Variants in PTPRO observed in about 807,000 individuals in gnomAD.
PTPRO encodes the protein receptor-type tyrosine-protein phosphatase O.
A neutral mutation model predicts 145.2 loss-of-function variants in PTPRO; 62 were observed. The ratio of observed to expected loss-of-function variants is 0.43; its 90% confidence interval spans 0.35 to 0.53. The LOEUF (loss-of-function observed/expected upper bound fraction) is 0.53, where lower values mean the gene tolerates loss of function less well. PTPRO is among the 20% of genes least tolerant of loss of function. The probability of loss-of-function intolerance (pLI) is 0.01; values close to 1 mark genes in which losing one functional copy is unlikely to be tolerated. For synonymous variants in PTPRO, 565 were observed against 514.7 expected (o/e 1.10, Z -1.32); for missense variants, 1,345 against 1,482.7 (o/e 0.91, Z 1.53).
intron 12 of PTPRO, among the ~76,000 whole-genome samples, chr12:15,544,758 A>G (rs1225588772): frequency 6.6e-6 from 1 of 152,224 alleles, no homozygotes. Context: ...ACATAATCCT[A>G]TTAGCAAAGG....
At chr12:15,452,424 A>T (rs1941070590) in intron 1 of PTPRO, among the ~76,000 whole-genome samples, 1 of 152,154 alleles carries the variant, frequency 6.6e-6, no homozygotes, top group Non-Finnish European at 1.5e-5. Flanking sequence ...TTCAAAGAAG[A>T]ATTGGTACCA....
chr12:15,380,681 A>G (rs973535075), intron 1 of PTPRO, among the ~76,000 whole-genome samples: 1 of 152,186 alleles, frequency 6.6e-6, no homozygotes, highest in Non-Finnish European at 1.5e-5. Flanking sequence ...TTAAGTAGAA[A>G]ACCATAGAAA....
chr12:15,596,623 C>G lies in PTPRO; in HGVS notation c.*550C>G, dbSNP rs1271554437. Reference sequence around the variant, plus strand: ...AATTGAGCCAGCACTATCTGTACTCCAACATTACCGGATCTGGATTGGGGA... The same window carrying G: ...AATTGAGCCAGCACTATCTGTACTCGAACATTACCGGATCTGGATTGGGGA... On this transcript the variant is annotated 3_prime_UTR_variant, in exon 27 of 27. Transcript: ENST00000281171. 1 of 152,390 alleles carries G rather than the reference C, an allele frequency of 6.6e-6. No individual in the cohort carries two copies. Among genetic ancestry groups the G allele is most frequent in the Non-Finnish European group, 1.5e-5 (1 of 68,036 alleles). 9.4% of individuals were successfully genotyped at this position (152,390 alleles called of 1,614,324 possible). A position where few individuals can be genotyped will look rare whatever the true frequency, so the allele number is the denominator to read the frequency against.
intron 8 of PTPRO, among the ~76,000 whole-genome samples, chr12:15,515,988 TTTTGTTTTTTTTTTTTTTTGG>T (rs1942572042): frequency 1.3e-5 from 1 of 77,256 alleles, no homozygotes; most frequent in African/African-American, 6.1e-5. Context: ...TTTTTTTTTG[TTTTGTTTTTTTTTTTTTTTGG>T]AGACAGAGTC....
At chr12:15,401,440 T>C (rs1183900838) in intron 1 of PTPRO, among the ~76,000 whole-genome samples, 1 of 152,226 alleles carries the variant, frequency 6.6e-6, no homozygotes. Context: ...AGTTGTGATA[T>C]AGATAAAAGC....
chr12:15,576,277 C>T (rs1944183247), intron 19 of PTPRO, among the ~76,000 whole-genome samples: 1 of 152,182 alleles, frequency 6.6e-6, no homozygotes. Flanking sequence ...ACAAAGGCTT[C>T]AAAGCATACT....
chr12:15,526,236 C>T lies in PTPRO; in HGVS notation c.2138C>T (p.Thr713Ile), dbSNP rs1339282769. Reference protein sequence around the residue: ...VTACTERGSNTSMLRLVKLEP... With the variant: ...VTACTERGSNISMLRLVKLEP... ...GCTTGTACTGAAAGAGGAAGTAATACCTCCATGCTCCGCCTTGTCAAGCTA... is the reference window on the plus strand; with the variant it reads ...GCTTGTACTGAAAGAGGAAGTAATATCTCCATGCTCCGCCTTGTCAAGCTA... The change falls in exon 12 of 27, where the codon ACC (threonine) becomes ATC (isoleucine). Residue 713 changes from threonine (T) to isoleucine (I), a missense_variant. Physicochemically the swap from Thr to Ile is moderately conservative, Grantham distance 89 (BLOSUM62 -1). Transcript: ENST00000281171. The T allele has an allele frequency of 1.3e-5, 21 of 1,613,984 alleles. No homozygotes were observed. The highest frequency in any genetic ancestry group is 3.3e-5 in the Admixed American group (2 of 60,020).
chr12:15,415,804 C>G (rs1939955421), intron 1 of PTPRO, among the ~76,000 whole-genome samples: 1 of 151,732 alleles, frequency 6.6e-6, no homozygotes, highest in Non-Finnish European at 1.5e-5. Context: ...TTTGAAGTAT[C>G]TAAGTAATGA....
At chr12:15,448,300 A>G (rs533412727) in intron 1 of PTPRO, among the ~76,000 whole-genome samples, 35 of 121,614 alleles carry the variant, frequency 2.9e-4, no homozygotes, top group Non-Finnish European at 5.0e-4. Context: ...CTGGCATTAT[A>G]TATTTGCCTT....
chr12:15,483,666 T>A (rs1345525091), intron 1 of PTPRO, among the ~76,000 whole-genome samples: 1 of 152,092 alleles, frequency 6.6e-6, no homozygotes, highest in Non-Finnish European at 1.5e-5. Flanking sequence ...CATTATTTAC[T>A]CCTCCACAGG....
chr12:15,373,913 C>A (rs1199331315), intron 1 of PTPRO, among the ~76,000 whole-genome samples: 3 of 152,062 alleles, frequency 2.0e-5, no homozygotes, highest in Non-Finnish European at 4.4e-5. Flanking sequence ...TCATTTTGTA[C>A]TCACAAATGT....
In PTPRO at chr12:15,597,882, G is replaced by A. The variant is rs1375732424; in HGVS notation, c.*1809G>A. Among the ~76,000 whole-genome samples, 1 of 152,192 alleles carries A rather than the reference G, an allele frequency of 6.6e-6. No individual in the cohort carries two copies. The highest frequency in any genetic ancestry group is 1.5e-5 in the Non-Finnish European group (1 of 68,030). ...GGTTAATGAAAGGTGGCAAAGGGAT[G>A]TGTGACATTCTTAGATTTTCACACA... On this transcript the variant is annotated 3_prime_UTR_variant, in exon 27 of 27. Transcript: ENST00000281171.
chr12:15,486,048 C>A (rs1033042489), intron 2 of PTPRO, among the ~76,000 whole-genome samples: 1 of 152,014 alleles, frequency 6.6e-6, no homozygotes, highest in African/African-American at 2.4e-5. Flanking sequence ...CAATAAGTAC[C>A]GACCAGGTCA....
chr12:15,463,632 C>T (rs1941353835), intron 1 of PTPRO, among the ~76,000 whole-genome samples: 2 of 152,070 alleles, frequency 1.3e-5, no homozygotes, highest in South Asian at 4.1e-4. Context: ...TTCAATATTA[C>T]TCTTATTCCC....
At chr12:15,485,526 G>A (rs74070736) in intron 2 of PTPRO, among the ~76,000 whole-genome samples, 1 of 152,192 alleles carries the variant, frequency 6.6e-6, no homozygotes, top group African/African-American at 2.4e-5. Context: ...TTGCTTAATA[G>A]ATGATCCATA....
At chr12:15,372,201 A>G (rs1416203999) in intron 1 of PTPRO, among the ~76,000 whole-genome samples, 3 of 152,176 alleles carry the variant, frequency 2.0e-5, no homozygotes, top group Non-Finnish European at 4.4e-5. Flanking sequence ...CTAATGAATC[A>G]TTTATATACC....
rs1944324312 is a variant in PTPRO at position 15,581,785 on chromosome 12, A to T, written c.3239A>T (p.His1080Leu). 6.2e-7 allele frequency: 1 copy of T among 1,613,964 alleles called. No individual in the cohort carries two copies. Among genetic ancestry groups the T allele is most frequent in the Non-Finnish European group, 8.5e-7 (1 of 1,179,900 alleles). The stretch of plus-strand genomic sequence containing the variant: ...GAGCAGGACGACTGGGCCTGTAGAC[A>T]CTTCCGGATCAACTATGTAAGTCAC... ...EEEQDDWACR[H>L]FRINYADEMQ... The change falls in exon 23 of 27, where the codon CAC becomes CTC. Residue 1080 changes from histidine to leucine, a missense_variant. By Grantham distance (99) the His-to-Leu change is moderately conservative. Transcript: ENST00000281171.
intron 8 of PTPRO, 135 bp from the exon 9 acceptor site, chr12:15,516,628 A>C: frequency 2.8e-6 from 2 of 724,290 alleles, no homozygotes; most frequent in Non-Finnish European, 4.7e-6. Context: ...GAAGGAAGGA[A>C]GGAAGGAAGG....
intron 1 of PTPRO, among the ~76,000 whole-genome samples, chr12:15,349,094 G>A (rs559325442): frequency 3.3e-5 from 5 of 152,194 alleles, no homozygotes; most frequent in Admixed American, 2.0e-4. Flanking sequence ...AAGTAATACC[G>A]ATACAGTATA....
Sources: gnomAD v4.1 joint callset for allele counts (sites outside exome capture counted in the v4.1 genomes callset) on GRCh38, gnomAD v4.1.1 for gene constraint, MANE v1.5 for transcripts, NCBI Gene and HGNC (gene_info 2026-07-23, HGNC 2026-07-21) for gene names.